Variants in CDH18 observed in about 807,000 individuals in gnomAD.
CDH18 encodes the protein cadherin 18.
A neutral mutation model predicts 67.9 loss-of-function variants in CDH18; 31 were observed. The observed-to-expected ratio is 0.46, with a 90% CI of 0.34 to 0.62. The LOEUF (loss-of-function observed/expected upper bound fraction) is 0.62. Ranked by LOEUF, CDH18 falls within the 20% of genes least tolerant of loss-of-function variation. The probability of loss-of-function intolerance (pLI) is 0.01; values close to 1 mark genes in which losing one functional copy is unlikely to be tolerated. For missense variants in CDH18, 890 were observed against 975.5 expected, an observed-to-expected ratio of 0.91 and a Z score of 1.17; for synonymous variants, 362 against 347.2, an observed-to-expected ratio of 1.04 and a Z score of -0.48.
At chr5:20,554,445 C>G (rs1174173557) in intron 1 of CDH18, among the ~76,000 whole-genome samples, 4 of 152,170 alleles carry the variant, frequency 2.6e-5, no homozygotes, top group Non-Finnish European at 5.9e-5. Flanking sequence ...TCCTCACCTC[C>G]CACTGAATTC....
chr5:20,474,879 C>T (rs1752330280), intron 1 of CDH18, among the ~76,000 whole-genome samples: 1 of 152,186 alleles, frequency 6.6e-6, no homozygotes, highest in African/African-American at 2.4e-5. Flanking sequence ...AACATTTATA[C>T]AGAGGTGCGT....
intron 2 of CDH18, among the ~76,000 whole-genome samples, chr5:20,047,831 T>C (rs575629550): frequency 2.6e-5 from 4 of 151,922 alleles, no homozygotes; most frequent in Admixed American, 2.0e-4. Context: ...TGATACTCTT[T>C]CAGCAAATTG....
chr5:19,515,953 T>G (rs1277649926), intron 10 of CDH18, among the ~76,000 whole-genome samples: 3 of 152,204 alleles, frequency 2.0e-5, no homozygotes, highest in African/African-American at 7.2e-5. Flanking sequence ...ACTTCTAGTT[T>G]TTGCCCATTC....
At chr5:19,719,286 A>G (rs1765712695) in intron 5 of CDH18, among the ~76,000 whole-genome samples, 1 of 151,938 alleles carries the variant, frequency 6.6e-6, no homozygotes, top group African/African-American at 2.4e-5. Flanking sequence ...CTAATGTCAT[A>G]TATTTGTGTG....
At chr5:19,670,226 GTTT>G (rs1025356496) in intron 5 of CDH18, among the ~76,000 whole-genome samples, 3 of 151,836 alleles carry the variant, frequency 2.0e-5, no homozygotes, top group Non-Finnish European at 4.4e-5. Flanking sequence ...TTGCTAAACA[GTTT>G]TTTTTCAGAT....
intron 11 of CDH18, among the ~76,000 whole-genome samples, chr5:19,486,795 T>C (rs983399904): frequency 8.1e-5 from 11 of 135,060 alleles, no homozygotes; most frequent in Admixed American, 7.5e-4. Context: ...ACTCTGTCTC[T>C]AAATAAATAA....
intron 5 of CDH18, among the ~76,000 whole-genome samples, chr5:19,645,938 A>G (rs984199369): frequency 3.9e-5 from 6 of 152,208 alleles, no homozygotes; most frequent in African/African-American, 1.4e-4. Flanking sequence ...AACATTTTAC[A>G]AAGATCCTTC....
intron 1 of CDH18, among the ~76,000 whole-genome samples, chr5:20,393,470 C>G (rs532145733): frequency 6.6e-5 from 10 of 152,074 alleles, no homozygotes; most frequent in African/African-American, 2.4e-4. Flanking sequence ...CTTGTCAACT[C>G]ATTTCAACTC....
At chr5:20,060,157 C>G (rs1052121657) in intron 2 of CDH18, among the ~76,000 whole-genome samples, 2 of 151,788 alleles carry the variant, frequency 1.3e-5, no homozygotes, top group East Asian at 3.9e-4. Flanking sequence ...TATCATGAAC[C>G]AAAAAATCAC....
chr5:19,882,367 G>A (rs1042287323), intron 2 of CDH18, among the ~76,000 whole-genome samples: 1 of 152,036 alleles, frequency 6.6e-6, no homozygotes, highest in African/African-American at 2.4e-5. Flanking sequence ...ATTATAAAAT[G>A]CAAGCATAAC....
At chr5:20,330,522 C>T (rs547241839) in intron 1 of CDH18, among the ~76,000 whole-genome samples, 13 of 152,212 alleles carry the variant, frequency 8.5e-5, no homozygotes, top group African/African-American at 2.4e-4. Flanking sequence ...TGGAGTTAGG[C>T]GAGTGGGCTC....
intron 1 of CDH18, among the ~76,000 whole-genome samples, chr5:20,347,976 A>G (rs1041646170): frequency 2.0e-5 from 3 of 152,082 alleles, no homozygotes; most frequent in South Asian, 2.1e-4. Context: ...TCACTCTCCA[A>G]TGTCTGCATG....
intron 2 of CDH18, among the ~76,000 whole-genome samples, chr5:20,206,998 AT>A (rs947474583): frequency 1.1e-4 from 16 of 151,928 alleles, no homozygotes; most frequent in African/African-American, 3.6e-4. Context: ...AGCTAGAACA[AT>A]TTTTTTAAGC....
chr5:19,507,111 T>C (rs1744321930), intron 10 of CDH18, among the ~76,000 whole-genome samples: 1 of 152,078 alleles, frequency 6.6e-6, no homozygotes, highest in Non-Finnish European at 1.5e-5. Flanking sequence ...AACAGACACT[T>C]CTCAAAAGAA....
intron 5 of CDH18, among the ~76,000 whole-genome samples, chr5:19,670,071 A>G (rs976805000): frequency 1.3e-5 from 2 of 152,084 alleles, no homozygotes; most frequent in African/African-American, 4.8e-5. Flanking sequence ...ATGAGTGGGA[A>G]TGAACTAGGA....
chr5:20,312,831 A>G (rs1398837341), intron 1 of CDH18, among the ~76,000 whole-genome samples: 2 of 152,060 alleles, frequency 1.3e-5, no homozygotes, highest in East Asian at 1.9e-4. Context: ...GCTATTCACC[A>G]TAGTTTTTCC....
Position 19,642,384 on chromosome 5 carries a change from G to A in CDH18, c.644-29783C>T, listed in dbSNP as rs535893868. On this transcript the variant is annotated intron_variant, in intron 5 of 12. Coordinates refer to ENST00000382275, the MANE Select transcript of CDH18 (RefSeq NM_004934.5). The stretch of plus-strand genomic sequence containing the variant: ...TAATATCCAAAGCAATCTTGAGTAA[G>A]AAGAACAAAGGTGGAACTAACATGC... Among the ~76,000 whole-genome samples, 26 of 151,940 alleles carry A rather than the reference G, an allele frequency of 1.7e-4. No individual in the cohort carries two copies. The South Asian group carries it at 5.2e-3, about 30-fold the overall frequency.
intron 1 of CDH18, among the ~76,000 whole-genome samples, chr5:20,565,077 C>T (rs1471331975): frequency 6.6e-6 from 1 of 152,070 alleles, no homozygotes; most frequent in Non-Finnish European, 1.5e-5. Context: ...AGTGAGTCAC[C>T]ATAGCTTCCT....
chr5:19,778,144 A>C (rs1469709132), intron 3 of CDH18, among the ~76,000 whole-genome samples: 1 of 152,164 alleles, frequency 6.6e-6, no homozygotes, highest in Non-Finnish European at 1.5e-5. Flanking sequence ...TGCCAAACCC[A>C]ACTCCATTTG....
Sources: allele counts gnomAD v4.1 joint callset (sites outside exome capture counted in the v4.1 genomes callset), GRCh38; gene constraint gnomAD v4.1.1; transcripts MANE v1.5; gene names NCBI Gene and HGNC (gene_info 2026-07-23, HGNC 2026-07-21).